The following RANBP2 variants were observed in gnomAD, a reference collection of about 807,000 sequenced individuals.
RANBP2 encodes the protein RAN binding protein 2.
In RANBP2, 57 loss-of-function variants were observed where a neutral mutation model predicts 303.6. That is an observed-to-expected ratio of 0.19 (90% CI 0.15 to 0.23). The LOEUF (loss-of-function observed/expected upper bound fraction) is 0.23. RANBP2 is among the 10% of genes least tolerant of loss of function. The pLI is 1.00. For synonymous variants in RANBP2, 1,167 were observed against 1,301.5 expected (o/e 0.90, Z 2.23); for missense variants, 3,138 against 3,780.8 (o/e 0.83, Z 4.46).
At chr2:109,074,846 C>A in the RANBP2 span, among the ~76,000 whole-genome samples, 17 of 148,460 alleles carry the variant, frequency 1.1e-4, no homozygotes, top group Non-Finnish European at 2.2e-4. Context: ...CATGGTGAAA[C>A]CCCATCTCTA....
chr2:109,604,465 G>T, the RANBP2 span, among the ~76,000 whole-genome samples: 2 of 150,792 alleles, frequency 1.3e-5, no homozygotes, highest in South Asian at 2.1e-4. Flanking sequence ...GGTGGCTGAG[G>T]CCTGTAATCC....
At chr2:109,068,624 T>C in the RANBP2 span, among the ~76,000 whole-genome samples, 1 of 152,192 alleles carries the variant, frequency 6.6e-6, no homozygotes, top group Non-Finnish European at 1.5e-5. Context: ...AAGTCTCTGC[T>C]TTTCCCCTGG....
the RANBP2 span, chr2:109,545,930 T>G: frequency 2.1e-6 from 3 of 1,445,890 alleles, no homozygotes; most frequent in Non-Finnish European, 2.8e-6. Context: ...GGAGCTGACA[T>G]TTAGTTGGAG....
chr2:109,599,820 T>C, the RANBP2 span, among the ~76,000 whole-genome samples: 2 of 152,198 alleles, frequency 1.3e-5, no homozygotes, highest in African/African-American at 4.8e-5. Context: ...ATTTTAAAAT[T>C]ACTCCTCCTA....
At chr2:109,653,898 C>T in the RANBP2 span, among the ~76,000 whole-genome samples, 1,664 of 152,216 alleles carry the variant, frequency 0.011, 22 homozygotes, top group Middle Eastern at 0.024. Flanking sequence ...TAGTCCAGTC[C>T]AACAGCAAAG....
At chr2:109,562,215 A>AAAT in the RANBP2 span, among the ~76,000 whole-genome samples, 6 of 151,360 alleles carry the variant, frequency 4.0e-5, no homozygotes, top group Admixed American at 1.3e-4. Context: ...TCTATCTCAA[A>AAAT]AATAATAATA....
chr2:109,521,217 C>CAAAAAA, the RANBP2 span, among the ~76,000 whole-genome samples: 10 of 115,344 alleles, frequency 8.7e-5, no homozygotes, highest in African/African-American at 3.2e-4. Context: ...GACTCCGTCT[C>CAAAAAA]AAAAAAAAAA....
At chr2:109,005,357 A>G in the RANBP2 span, among the ~76,000 whole-genome samples, 1 of 152,182 alleles carries the variant, frequency 6.6e-6, no homozygotes, top group African/African-American at 2.4e-5. Context: ...CCTGATCTCC[A>G]CAAGTAGACC....
the RANBP2 span, among the ~76,000 whole-genome samples, chr2:109,585,495 G>T: frequency 6.6e-6 from 1 of 152,166 alleles, no homozygotes; most frequent in Non-Finnish European, 1.5e-5. Flanking sequence ...TAGAGTAAGT[G>T]TGCTAAGCTA....
the RANBP2 span, among the ~76,000 whole-genome samples, chr2:109,708,085 C>T: frequency 1.3e-5 from 2 of 152,188 alleles, no homozygotes; most frequent in Admixed American, 6.5e-5. Context: ...AGGTCAGGCA[C>T]AGTAGCTCAC....
chr2:108,962,656 C>A, the RANBP2 span, among the ~76,000 whole-genome samples: 3 of 110,034 alleles, frequency 2.7e-5, no homozygotes, highest in Admixed American at 1.4e-4. Context: ...GCCTGGGCGA[C>A]AGAGCGAGAC....
chr2:109,175,537 C>T, the RANBP2 span, among the ~76,000 whole-genome samples: 7 of 152,200 alleles, frequency 4.6e-5, no homozygotes, highest in East Asian at 1.3e-3. Flanking sequence ...GCTCATGGCT[C>T]CCCTGAATGA....
At chr2:108,816,175 G>T in the RANBP2 span, 2 of 1,144,244 alleles carry the variant, frequency 1.7e-6, no homozygotes, top group South Asian at 2.9e-5. Flanking sequence ...CCAGGGCCAG[G>T]CACAGTGGCT....
At chr2:108,747,247 G>C (rs190338182) in intron 8 of RANBP2, among the ~76,000 whole-genome samples, 1 of 152,200 alleles carries the variant, frequency 6.6e-6, no homozygotes, top group African/African-American at 2.4e-5. Context: ...CTTGGAATTT[G>C]TGGATTTTTT....
At chr2:109,188,548 G>A in the RANBP2 span, among the ~76,000 whole-genome samples, 6 of 152,294 alleles carry the variant, frequency 3.9e-5, no homozygotes, top group East Asian at 9.7e-4. Context: ...GGCATCCCCC[G>A]TCATTGTGAC....
chr2:109,665,679 G>A, the RANBP2 span: 1 of 164,220 alleles, frequency 6.1e-6, no homozygotes, highest in East Asian at 1.5e-4. Flanking sequence ...TAAAATGTAT[G>A]CTACCTGCGG....
chr2:109,009,915 G>A, the RANBP2 span, among the ~76,000 whole-genome samples: 9 of 152,098 alleles, frequency 5.9e-5, no homozygotes, highest in Admixed American at 2.0e-4. Context: ...ATGCAACTTT[G>A]TGTGCTGCCC....
the RANBP2 span, among the ~76,000 whole-genome samples, chr2:109,203,416 C>T: frequency 6.6e-6 from 1 of 152,186 alleles, no homozygotes. Context: ...ACGAGCGCAT[C>T]ACCTGTGGTC....
At chr2:109,594,170 A>C in the RANBP2 span, among the ~76,000 whole-genome samples, 1 of 152,170 alleles carries the variant, frequency 6.6e-6, no homozygotes, top group Non-Finnish European at 1.5e-5. Context: ...TACAAGAAAA[A>C]CTGTACTAAT....
Sources: allele counts gnomAD v4.1 joint callset (sites outside exome capture counted in the v4.1 genomes callset), GRCh38; gene constraint gnomAD v4.1.1; transcripts MANE v1.5; gene names NCBI Gene and HGNC (gene_info 2026-07-23, HGNC 2026-07-21).